ALCAM: variants seen among roughly 807,000 people sequenced by gnomAD.
ALCAM encodes activated leukocyte cell adhesion molecule.
Under a neutral mutation model 70.9 loss-of-function variants are expected in ALCAM, and 30 were observed. That is an observed-to-expected ratio of 0.42 (90% CI 0.32 to 0.57). The LOEUF is 0.57. Ranked by LOEUF, ALCAM falls within the 20% of genes least tolerant of loss-of-function variation. The pLI is 0.11. For missense variants in ALCAM, 591 were observed against 695.1 expected, an observed-to-expected ratio of 0.85 and a Z score of 1.68; for synonymous variants, 249 against 242.5, an observed-to-expected ratio of 1.03 and a Z score of -0.25.
chr3:105,486,949 G>A (rs193065203), intron 1 of ALCAM, among the ~76,000 whole-genome samples: 24 of 77,296 alleles, frequency 3.1e-4, no homozygotes, highest in East Asian at 1.3e-3. Context: ...TCTGCACAGA[G>A]CATAAGACAT....
chr3:105,561,487 T>TGTATTGTAA (rs1940630809), intron 14 of ALCAM, among the ~76,000 whole-genome samples: 1 of 152,102 alleles, frequency 6.6e-6, no homozygotes, highest in Non-Finnish European at 1.5e-5. Flanking sequence ...ATAGTTACCA[T>TGTATTGTAA]TATGTACGAT....
intron 1 of ALCAM, among the ~76,000 whole-genome samples, chr3:105,382,022 C>T (rs1419529881): frequency 6.6e-6 from 1 of 151,084 alleles, no homozygotes; most frequent in Non-Finnish European, 1.5e-5. Context: ...ATGTGCCATG[C>T]TGGTGTGCTG....
chr3:105,511,570 TA>T (rs1939237564), intron 1 of ALCAM, among the ~76,000 whole-genome samples: 1 of 151,982 alleles, frequency 6.6e-6, no homozygotes. Flanking sequence ...AGCTGTCAAT[TA>T]AAAGCATGGA....
At chr3:105,525,994 G>A (rs1559822019) in intron 3 of ALCAM, among the ~76,000 whole-genome samples, 1 of 152,046 alleles carries the variant, frequency 6.6e-6, no homozygotes, top group Non-Finnish European at 1.5e-5. Flanking sequence ...CATGTTATTA[G>A]AAAGATGAAT....
At chr3:105,468,930 G>A (rs929704778) in intron 1 of ALCAM, among the ~76,000 whole-genome samples, 13 of 151,370 alleles carry the variant, frequency 8.6e-5, no homozygotes, top group African/African-American at 3.1e-4. Context: ...TTATGTTTGA[G>A]CATAGTTAGA....
At chr3:105,563,853 A>G (rs1940686536) in intron 14 of ALCAM, among the ~76,000 whole-genome samples, 2 of 140,018 alleles carry the variant, frequency 1.4e-5, no homozygotes, top group Admixed American at 7.1e-5. Context: ...GCGCCCGGCT[A>G]ATTTTTTGTA....
At chr3:105,397,166 A>G (rs1490188132) in intron 1 of ALCAM, among the ~76,000 whole-genome samples, 1 of 152,058 alleles carries the variant, frequency 6.6e-6, no homozygotes, top group African/African-American at 2.4e-5. Flanking sequence ...GCCTTTTGAG[A>G]TTAATAAATT....
At chr3:105,565,651 G>A (rs904276929) in intron 14 of ALCAM, among the ~76,000 whole-genome samples, 2 of 151,982 alleles carry the variant, frequency 1.3e-5, no homozygotes, top group African/African-American at 4.8e-5. Flanking sequence ...TTCTTTGCAT[G>A]TTTAGTAATT....
At chr3:105,481,083 T>C (rs1938257390) in intron 1 of ALCAM, among the ~76,000 whole-genome samples, 1 of 152,164 alleles carries the variant, frequency 6.6e-6, no homozygotes, top group Non-Finnish European at 1.5e-5. Context: ...TTTGTTTTTT[T>C]ACTAGCACTG....
chr3:105,513,960 G>A (rs530993889), intron 1 of ALCAM, among the ~76,000 whole-genome samples: 11 of 151,894 alleles, frequency 7.2e-5, no homozygotes, highest in East Asian at 3.9e-4. Context: ...AAAACCAAGC[G>A]TCACTCAGTG....
intron 14 of ALCAM, among the ~76,000 whole-genome samples, chr3:105,568,686 T>C (rs1224863318): frequency 1.3e-5 from 2 of 152,198 alleles, no homozygotes; most frequent in African/African-American, 4.8e-5. Flanking sequence ...TCTTCCTTGA[T>C]TTCCAGCTTT....
chr3:105,399,476 T>C (rs1936034347), intron 1 of ALCAM, among the ~76,000 whole-genome samples: 1 of 152,126 alleles, frequency 6.6e-6, no homozygotes, highest in Non-Finnish European at 1.5e-5. Context: ...TTCAGAGTAG[T>C]TAAGAGGGAA....
At chr3:105,464,294 G>T (rs1241065104) in intron 1 of ALCAM, among the ~76,000 whole-genome samples, 1 of 151,054 alleles carries the variant, frequency 6.6e-6, no homozygotes, top group Non-Finnish European at 1.5e-5. Context: ...TTTATATTGT[G>T]CATAATCCTG....
At chr3:105,524,901 G>T (rs1370632364) in intron 3 of ALCAM, 1 of 987,282 alleles carries the variant, frequency 1.0e-6, no homozygotes, top group East Asian at 1.1e-4. Flanking sequence ...ACATGTATTT[G>T]GCTGAACCAA....
intron 1 of ALCAM, among the ~76,000 whole-genome samples, chr3:105,396,650 T>C (rs1559777068): frequency 2.6e-5 from 4 of 151,998 alleles, no homozygotes; most frequent in Admixed American, 1.3e-4. Context: ...AGTAAAAATA[T>C]TGTGGAACCA....
chr3:105,500,600 A>G (rs1559812778), intron 1 of ALCAM, among the ~76,000 whole-genome samples: 1 of 152,230 alleles, frequency 6.6e-6, no homozygotes, highest in African/African-American at 2.4e-5. Context: ...AAAATTCAGT[A>G]TCTTTAAAAT....
At chr3:105,408,435 A>G (rs1251263702) in intron 1 of ALCAM, among the ~76,000 whole-genome samples, 2 of 152,172 alleles carry the variant, frequency 1.3e-5, no homozygotes, top group Non-Finnish European at 2.9e-5. Flanking sequence ...AGAGCAAACA[A>G]AAACATAAGG....
At chr3:105,431,077 G>T (rs1936918641) in intron 1 of ALCAM, among the ~76,000 whole-genome samples, 1 of 148,720 alleles carries the variant, frequency 6.7e-6, no homozygotes, top group Non-Finnish European at 1.5e-5. Flanking sequence ...TTTAAAAATA[G>T]AAAGTATATT....
chr3:105,394,467 C>T (rs996808903), intron 1 of ALCAM, among the ~76,000 whole-genome samples: 1 of 151,934 alleles, frequency 6.6e-6, no homozygotes, highest in Non-Finnish European at 1.5e-5. Context: ...TCAACAGGCC[C>T]ATAGAAATGT....
Sources: gnomAD v4.1 joint callset for allele counts (sites outside exome capture counted in the v4.1 genomes callset) on GRCh38, gnomAD v4.1.1 for gene constraint, MANE v1.5 for transcripts, NCBI Gene and HGNC (gene_info 2026-07-23, HGNC 2026-07-21) for gene names.